ALDH1A2: variants seen among roughly 807,000 people sequenced by gnomAD.
ALDH1A2 encodes the protein aldehyde dehydrogenase 1 family member A2.
A neutral mutation model predicts 60.3 loss-of-function variants in ALDH1A2; 27 were observed. The observed-to-expected ratio is 0.45, with a 90% CI of 0.33 to 0.62. ALDH1A2 has a LOEUF of 0.62. Among genes scored for constraint, ALDH1A2 ranks in the 20% least tolerant of loss-of-function variants. ALDH1A2 has a pLI of 0.02. For missense variants in ALDH1A2, 581 were observed against 643.8 expected (o/e 0.90, Z 1.06); for synonymous variants, 289 against 232.4 (o/e 1.24, Z -2.21).
At chr15:57,973,066 C>T (rs1894123755) in intron 7 of ALDH1A2, among the ~76,000 whole-genome samples, 1 of 152,172 alleles carries the variant, frequency 6.6e-6, no homozygotes, top group Admixed American at 6.5e-5. Context: ...ATTTGTTTGG[C>T]ACGAATCAAT....
At chr15:58,041,252 A>T (rs1037908516) in intron 1 of ALDH1A2, among the ~76,000 whole-genome samples, 1 of 151,958 alleles carries the variant, frequency 6.6e-6, no homozygotes, top group East Asian at 1.9e-4. Context: ...ATATAGAGAA[A>T]AAATAACACT....
intron 1 of ALDH1A2, among the ~76,000 whole-genome samples, chr15:58,037,729 A>T (rs4646578): frequency 6.6e-6 from 1 of 151,522 alleles, no homozygotes; most frequent in African/African-American, 2.4e-5. Context: ...GAAGTGTGCA[A>T]TTCCTTGGGT....
Position 57,962,023 on chromosome 15 carries a change from C to T in ALDH1A2, c.1240G>A (p.Ala414Thr). The T allele has an allele frequency of 6.2e-7, 1 of 1,614,142 alleles. No individual in the cohort carries two copies. Among genetic ancestry groups the T allele is most frequent in the South Asian group, 1.1e-5 (1 of 91,080 alleles). ...AGCATATTTGATACCTCCTCCTTGGCAATCCGCATATCATCAGTGACGTTG... is the reference window on the plus strand; with the variant it reads ...AGCATATTTGATACCTCCTCCTTGGTAATCCGCATATCATCAGTGACGTTG... The part of the protein sequence containing the change: ...FSNVTDDMRI[A>T]KEEIFGPVQE... Residue 414 changes from alanine to threonine, a missense_variant, in exon 10 of 13, where the codon GCC becomes ACC. Ala to Thr is a moderately conservative substitution (Grantham distance 58, BLOSUM62 0). Around this residue, in one of 2 missense-constraint regions of ALDH1A2, gnomAD observed 375 missense variants for 469.7 expected, o/e 0.80. Transcript: ENST00000249750.
At chr15:57,979,457 G>A (rs1199793293) in intron 7 of ALDH1A2, among the ~76,000 whole-genome samples, 3 of 152,094 alleles carry the variant, frequency 2.0e-5, no homozygotes, top group South Asian at 4.1e-4. Flanking sequence ...CTGGCAGCCT[G>A]GACGTGCCAG....
At chr15:58,055,738 G>T (rs1446942240) in intron 1 of ALDH1A2, among the ~76,000 whole-genome samples, 1 of 151,956 alleles carries the variant, frequency 6.6e-6, no homozygotes, top group Non-Finnish European at 1.5e-5. Context: ...AAACACAAAG[G>T]TAAATATATA....
intron 1 of ALDH1A2, among the ~76,000 whole-genome samples, chr15:58,029,564 T>C (rs770300880): frequency 1.1e-4 from 14 of 130,120 alleles, no homozygotes; most frequent in South Asian, 2.4e-4. Context: ...CTGAAGGAGA[T>C]AGAGACATAA....
intron 3 of ALDH1A2, 68 bp downstream of exon 3, chr15:58,013,790 G>A (rs912548127): frequency 2.8e-5 from 45 of 1,584,788 alleles, no homozygotes; most frequent in Admixed American, 1.4e-4. Context: ...AAATACAGCC[G>A]AAGAATGTAA....
chr15:57,965,909 T>C, intron 7 of ALDH1A2, 82 bp from the exon 8 acceptor site: 1 of 1,057,228 alleles, frequency 9.5e-7, no homozygotes, highest in South Asian at 1.3e-5. Flanking sequence ...AGGGCATCAA[T>C]GGGATGCAAC....
intron 1 of ALDH1A2, among the ~76,000 whole-genome samples, chr15:58,043,637 G>A (rs16939716): frequency 0.032 from 4,873 of 151,950 alleles, 184 homozygotes; most frequent in African/African-American, 0.089. Context: ...ATTTGAAACG[G>A]TGAGATTCAG....
intron 4 of ALDH1A2, among the ~76,000 whole-genome samples, chr15:57,995,485 C>A (rs577449823): frequency 6.6e-6 from 1 of 152,108 alleles, no homozygotes; most frequent in South Asian, 2.1e-4. Flanking sequence ...ACATGTAGAA[C>A]AGTTGTTTGA....
At chr15:57,969,996 G>A (rs925753908) in intron 7 of ALDH1A2, among the ~76,000 whole-genome samples, 1 of 152,194 alleles carries the variant, frequency 6.6e-6, no homozygotes, top group African/African-American at 2.4e-5. Flanking sequence ...TTCTGCATCT[G>A]TAGAATGAAG....
intron 3 of ALDH1A2, 103 bp from the exon 4 acceptor site, chr15:58,010,881 T>G (rs1324916448): frequency 1.4e-6 from 2 of 1,411,070 alleles, no homozygotes; most frequent in African/African-American, 1.4e-5. Flanking sequence ...TACAAATGCA[T>G]ATGGAGTTGC....
At chr15:57,964,153 C>T in intron 8 of ALDH1A2, 84 bp from the exon 9 acceptor site, 1 of 1,475,112 alleles carries the variant, frequency 6.8e-7, no homozygotes, top group South Asian at 1.2e-5. Context: ...CTCTCCAAAG[C>T]CCTAGGTATA....
intron 7 of ALDH1A2, chr15:57,991,389 G>A (rs908578159): frequency 2.6e-5 from 4 of 152,008 alleles, no homozygotes; most frequent in East Asian, 1.9e-4. Context: ...AGGTTAACTC[G>A]ACAAACACAA....
At chr15:58,001,036 A>G (rs946916809) in intron 4 of ALDH1A2, among the ~76,000 whole-genome samples, 36 of 146,138 alleles carry the variant, frequency 2.5e-4, no homozygotes, top group African/African-American at 8.5e-4. Context: ...AAAATTGTTA[A>G]AAAAAAAAAA....
intron 7 of ALDH1A2, among the ~76,000 whole-genome samples, chr15:57,975,020 T>C (rs1894200556): frequency 6.6e-6 from 1 of 152,250 alleles, no homozygotes; most frequent in Admixed American, 6.5e-5. Flanking sequence ...GAGACAATGC[T>C]ATATACCTAT....
intron 12 of ALDH1A2, among the ~76,000 whole-genome samples, chr15:57,957,487 A>G (rs1291550902): frequency 1.3e-5 from 2 of 152,154 alleles, no homozygotes; most frequent in Non-Finnish European, 2.9e-5. Context: ...TTGTTCCAGG[A>G]TTTCTGTCGC....
chr15:58,058,657 G>C (rs1177937491), intron 1 of ALDH1A2, among the ~76,000 whole-genome samples: 7 of 152,058 alleles, frequency 4.6e-5, no homozygotes, highest in Non-Finnish European at 2.9e-5. Flanking sequence ...TAAGAAACAG[G>C]TGTTTCCAGT....
chr15:57,979,523 A>G (rs1008065979), intron 7 of ALDH1A2, among the ~76,000 whole-genome samples: 1 of 152,128 alleles, frequency 6.6e-6, no homozygotes, highest in Non-Finnish European at 1.5e-5. Flanking sequence ...TCTCCTCCAC[A>G]GCCTGGTGGC....
Sources: gnomAD v4.1 joint callset for allele counts (sites outside exome capture counted in the v4.1 genomes callset) on GRCh38, gnomAD v4.1.1 for gene constraint, gnomAD v4.1.1 regional missense constraint, MANE v1.5 for transcripts, NCBI Gene and HGNC (gene_info 2026-07-23, HGNC 2026-07-21) for gene names.